DST: variants seen among roughly 807,000 people sequenced by gnomAD.
The protein encoded by DST is bullous pemphigoid antigen.
In DST, 253 loss-of-function variants were observed where a neutral mutation model predicts 875.2. That is an observed-to-expected ratio of 0.29 (90% CI 0.26 to 0.32). The LOEUF (loss-of-function observed/expected upper bound fraction) is 0.32. DST is among the 10% of genes least tolerant of loss of function. The pLI, the probability that DST is intolerant of heterozygous loss-of-function variation, is 1.00. For synonymous variants in DST, 3,124 were observed against 3,197.1 expected (o/e 0.98, Z 0.77); for missense variants, 8,287 against 9,111.6 (o/e 0.91, Z 3.68).
At chr6:56,482,466 C>A in intron 89 of DST, 1 of 533,368 alleles carries the variant, frequency 1.9e-6, no homozygotes, top group Non-Finnish European at 3.2e-6. Flanking sequence ...ACTCACGCAG[C>A]ACTTGTATGT....
chr6:56,741,760 T>A (rs2099547592), intron 4 of DST, among the ~76,000 whole-genome samples: 1 of 152,230 alleles, frequency 6.6e-6, no homozygotes, highest in African/African-American at 2.4e-5. Context: ...GCAATGTTGC[T>A]ACAGCAACAA....
chr6:56,670,133 C>CGTGTGT (rs70989723), intron 10 of DST, among the ~76,000 whole-genome samples: 7,768 of 146,230 alleles, frequency 0.053, 563 homozygotes, highest in African/African-American at 0.16. Flanking sequence ...AGCGCCCGTG[C>CGTGTGT]GTGTGTGTGT....
intron 9 of DST, among the ~76,000 whole-genome samples, chr6:56,676,181 C>T (rs1404532436): frequency 1.3e-5 from 2 of 152,202 alleles, no homozygotes; most frequent in Non-Finnish European, 2.9e-5. Flanking sequence ...ATTCTCCTGC[C>T]TTAGCCTCCC....
Position 56,600,053 on chromosome 6 carries a change from G to C in DST, c.11694+16C>G, listed in dbSNP as rs187855775. 1.7e-4 allele frequency: 270 copies of C among 1,607,976 alleles called. No homozygotes were observed. Among genetic ancestry groups the C allele is most frequent in the East Asian group, 1.1e-4 (5 of 44,792 alleles). On this transcript the variant is annotated intron_variant, in intron 45 of 103. Coordinates refer to ENST00000680361, the MANE Select transcript of DST (RefSeq NM_001374736.1). Reference sequence around the variant, plus strand: ...TAACATCAACATAGATCTGCTGATAGAAAACCAAATTCTACCTCTTGCTTG... The same window carrying C: ...TAACATCAACATAGATCTGCTGATACAAAACCAAATTCTACCTCTTGCTTG...
intron 5 of DST, among the ~76,000 whole-genome samples, chr6:56,730,041 A>C (rs1318227226): frequency 6.6e-6 from 1 of 152,240 alleles, no homozygotes; most frequent in Non-Finnish European, 1.5e-5. Context: ...ATTAAAGTTT[A>C]CAAAAAGAAA....
chr6:56,589,659 A>C (rs979862650), intron 49 of DST, among the ~76,000 whole-genome samples: 15 of 152,194 alleles, frequency 9.9e-5, no homozygotes, highest in Non-Finnish European at 1.9e-4. Context: ...CCAGGCCTTG[A>C]GACTGGTCCC....
chr6:56,550,913 G>C, intron 61 of DST, among the ~76,000 whole-genome samples: 1 of 152,066 alleles, frequency 6.6e-6, no homozygotes, highest in East Asian at 1.9e-4. Flanking sequence ...TTTTCTAATA[G>C]AGGATTCTCT....
chr6:56,474,678 G>C (rs1383600289), intron 92 of DST, among the ~76,000 whole-genome samples: 1 of 152,116 alleles, frequency 6.6e-6, no homozygotes, highest in Non-Finnish European at 1.5e-5. Context: ...GTAAGCATCT[G>C]TCTACAAACA....
At chr6:56,615,666 T>C (rs1260770403) in intron 36 of DST, 1 of 1,614,020 alleles carries the variant, frequency 6.2e-7, no homozygotes. Context: ...ATTATATTTC[T>C]GACATATGAC....
intron 5 of DST, among the ~76,000 whole-genome samples, chr6:56,707,009 A>C (rs2099343797): frequency 6.6e-6 from 1 of 152,170 alleles, no homozygotes; most frequent in African/African-American, 2.4e-5. Flanking sequence ...TGTCTCAAAA[A>C]ACAAACAAAC....
chr6:56,469,743 G>T (rs2094788333), intron 97 of DST, 140 bp downstream of exon 97: 2 of 693,170 alleles, frequency 2.9e-6, no homozygotes, highest in Non-Finnish European at 5.0e-6. Context: ...TTAAATGTAA[G>T]AGTTTCATAT....
chr6:56,487,709 T>C (rs2095611934), intron 86 of DST, among the ~76,000 whole-genome samples: 1 of 152,228 alleles, frequency 6.6e-6, no homozygotes, highest in African/African-American at 2.4e-5. Flanking sequence ...ATTGTCTTTG[T>C]AGGCCTCTCA....
chr6:56,678,877 C>T (rs1044084545), intron 9 of DST, among the ~76,000 whole-genome samples: 4 of 152,162 alleles, frequency 2.6e-5, no homozygotes, highest in Non-Finnish European at 4.4e-5. Flanking sequence ...AAATTGCTGC[C>T]GCCAGAGACT....
At chr6:56,818,909 T>A (rs1441755418) in intron 4 of DST, among the ~76,000 whole-genome samples, 1 of 152,178 alleles carries the variant, frequency 6.6e-6, no homozygotes, top group East Asian at 1.9e-4. Context: ...GCTTTTACTT[T>A]GATGAATAAC....
At chr6:56,789,226 T>C (rs1458028243) in intron 4 of DST, among the ~76,000 whole-genome samples, 1 of 152,086 alleles carries the variant, frequency 6.6e-6, no homozygotes, top group Non-Finnish European at 1.5e-5. Context: ...CCTCACTACG[T>C]AGGAGACTGA....
intron 9 of DST, chr6:56,693,520 C>A (rs764303567): frequency 1.3e-4 from 64 of 506,944 alleles, no homozygotes; most frequent in African/African-American, 1.5e-4. Flanking sequence ...AATGCAGATA[C>A]ACTAATGAAG....
At position 56,458,265 on chromosome 6, in the gene DST, T is replaced by C. The variant is rs1001464929; in HGVS notation, c.*740A>G. ...CAGTTAAGGGACGTGTTTTATTTCA[T>C]AGCTTTCTGCAAGCAAAATTGCTCT... On this transcript the variant is annotated 3_prime_UTR_variant, in exon 104 of 104. Coordinates refer to ENST00000680361, the MANE Select transcript of DST (RefSeq NM_001374736.1). 6.5e-6 allele frequency: 1 copy of C among 152,678 alleles called. No homozygotes were observed. Among genetic ancestry groups the C allele is most frequent in the Non-Finnish European group, 1.5e-5 (1 of 68,040 alleles). The allele number at this position is 152,678 out of a possible 1,614,324, so 9.5% of individuals were successfully genotyped here. A position where few individuals can be genotyped will look rare whatever the true frequency, so the allele number is the denominator to read the frequency against.
chr6:56,791,428 A>T (rs1041100683), intron 4 of DST, among the ~76,000 whole-genome samples: 1 of 151,970 alleles, frequency 6.6e-6, no homozygotes, highest in African/African-American at 2.4e-5. Context: ...GAGAAGGTTT[A>T]AAAAAAAGAA....
intron 5 of DST, among the ~76,000 whole-genome samples, chr6:56,731,815 G>T (rs531144402): frequency 6.6e-6 from 1 of 152,158 alleles, no homozygotes; most frequent in African/African-American, 2.4e-5. Flanking sequence ...TTGGTCTCAG[G>T]ATTACTTTAC....
Sources: allele counts gnomAD v4.1 joint callset (sites outside exome capture counted in the v4.1 genomes callset), GRCh38; gene constraint gnomAD v4.1.1; transcripts MANE v1.5; gene names NCBI Gene and HGNC (gene_info 2026-07-23, HGNC 2026-07-21).